The following RPS6KC1 variants were observed in gnomAD, a reference collection of about 807,000 sequenced individuals.
RPS6KC1 encodes the protein ribosomal protein S6 kinase C1.
A neutral mutation model predicts 103.8 loss-of-function variants in RPS6KC1; 54 were observed. That is an observed-to-expected ratio of 0.52 (90% CI 0.42 to 0.65). The LOEUF (loss-of-function observed/expected upper bound fraction) is 0.65, where lower values mean the gene tolerates loss of function less well. Ranked by LOEUF, RPS6KC1 falls within the 30% of genes least tolerant of loss-of-function variation. The probability of loss-of-function intolerance (pLI) is 0.00; values close to 1 mark genes in which losing one functional copy is unlikely to be tolerated. For missense variants in RPS6KC1, 1,151 were observed against 1,253.8 expected (o/e 0.92, Z 1.24); for synonymous variants, 439 against 438.7 (o/e 1.00, Z -0.01).
At chr1:213,439,931 T>C in the RPS6KC1 span, among the ~76,000 whole-genome samples, 6 of 152,172 alleles carry the variant, frequency 3.9e-5, no homozygotes, top group South Asian at 1.0e-3. Flanking sequence ...CATTAAGCTA[T>C]TGGTTAATGG....
chr1:213,729,832 G>T, the RPS6KC1 span, among the ~76,000 whole-genome samples: 36 of 152,026 alleles, frequency 2.4e-4, no homozygotes, highest in East Asian at 4.4e-3. Flanking sequence ...AGGTAAACTT[G>T]TGTCATGGGA....
chr1:213,446,915 A>AGC, the RPS6KC1 span, among the ~76,000 whole-genome samples: 4 of 152,240 alleles, frequency 2.6e-5, no homozygotes, highest in African/African-American at 9.6e-5. Flanking sequence ...TAAACTATGC[A>AGC]AACACAGTAG....
At chr1:213,474,132 T>G in the RPS6KC1 span, among the ~76,000 whole-genome samples, 3 of 152,176 alleles carry the variant, frequency 2.0e-5, no homozygotes, top group African/African-American at 7.2e-5. Context: ...CAGTCTGTCC[T>G]TGGGCCTCTG....
At chr1:213,275,824 T>C (rs1231935888), downstream of RPS6KC1, among the ~76,000 whole-genome samples, 1 of 152,230 alleles carries the variant, frequency 6.6e-6, no homozygotes, top group Non-Finnish European at 1.5e-5. Flanking sequence ...CTATTCTTCC[T>C]GTCTAACTGA....
At chr1:213,859,550 T>C in the RPS6KC1 span, among the ~76,000 whole-genome samples, 1 of 152,210 alleles carries the variant, frequency 6.6e-6, no homozygotes, top group Non-Finnish European at 1.5e-5. Flanking sequence ...CTAGACAATA[T>C]GAGAACAAGA....
At chr1:213,066,414 T>A (rs564997804) in intron 1 of RPS6KC1, among the ~76,000 whole-genome samples, 1 of 152,358 alleles carries the variant, frequency 6.6e-6, no homozygotes, top group East Asian at 1.9e-4. Flanking sequence ...AATTTCCTCC[T>A]TCACTGTGAA....
At chr1:213,734,456 A>AT in the RPS6KC1 span, among the ~76,000 whole-genome samples, 119,649 of 152,138 alleles carry the variant, frequency 0.79, 47,239 homozygotes, top group Middle Eastern at 0.92. Flanking sequence ...AAAATTAGGG[A>AT]TTTTGTCAGT....
chr1:213,415,545 C>T, the RPS6KC1 span, among the ~76,000 whole-genome samples: 3 of 152,186 alleles, frequency 2.0e-5, no homozygotes, highest in Non-Finnish European at 2.9e-5. Flanking sequence ...CCATCCCTGC[C>T]CTTGGGCAGC....
the RPS6KC1 span, among the ~76,000 whole-genome samples, chr1:213,612,868 A>G: frequency 2.0e-5 from 3 of 152,222 alleles, no homozygotes; most frequent in Admixed American, 1.3e-4. Context: ...CTCTTCCTGT[A>G]ACCTTTACCT....
At chr1:213,777,836 G>A in the RPS6KC1 span, among the ~76,000 whole-genome samples, 1 of 152,144 alleles carries the variant, frequency 6.6e-6, no homozygotes, top group Non-Finnish European at 1.5e-5. Context: ...TATAAATAAT[G>A]GTAATAGCTC....
chr1:213,377,513 T>C, the RPS6KC1 span, among the ~76,000 whole-genome samples: 2 of 152,258 alleles, frequency 1.3e-5, no homozygotes, highest in Non-Finnish European at 2.9e-5. Flanking sequence ...ACTTTCTATT[T>C]GTGGAATACT....
chr1:213,072,366 A>C (rs775905311), intron 2 of RPS6KC1, among the ~76,000 whole-genome samples: 2 of 152,004 alleles, frequency 1.3e-5, no homozygotes, highest in Non-Finnish European at 2.9e-5. Context: ...TTTTTGTCCT[A>C]TGATTTAAAA....
the RPS6KC1 span, among the ~76,000 whole-genome samples, chr1:213,495,911 G>T: frequency 6.6e-6 from 1 of 151,844 alleles, no homozygotes; most frequent in African/African-American, 2.4e-5. Context: ...TTTAAAACTT[G>T]GATAATATAA....
the RPS6KC1 span, among the ~76,000 whole-genome samples, chr1:213,812,031 T>C: frequency 6.6e-6 from 1 of 152,348 alleles, no homozygotes; most frequent in East Asian, 1.9e-4. Context: ...ATAAAACACC[T>C]CTATTTTTGA....
chr1:213,793,804 T>C, the RPS6KC1 span, among the ~76,000 whole-genome samples: 4 of 152,204 alleles, frequency 2.6e-5, no homozygotes, highest in Non-Finnish European at 5.9e-5. Context: ...GTGGATCTGA[T>C]TGAACTGTGA....
intron 8 of RPS6KC1, among the ~76,000 whole-genome samples, chr1:213,197,213 A>T (rs764451078): frequency 6.6e-6 from 1 of 152,146 alleles, no homozygotes; most frequent in Non-Finnish European, 1.5e-5. Context: ...AAGTTGGGTA[A>T]TGTGATGCCT....
the RPS6KC1 span, among the ~76,000 whole-genome samples, chr1:213,606,450 T>A: frequency 6.6e-6 from 1 of 152,208 alleles, no homozygotes; most frequent in Admixed American, 6.5e-5. Context: ...ACAGGCTTCC[T>A]TGCCAAGTCA....
At chr1:213,600,609 G>T in the RPS6KC1 span, among the ~76,000 whole-genome samples, 1 of 152,058 alleles carries the variant, frequency 6.6e-6, no homozygotes, top group African/African-American at 2.4e-5. Context: ...GTCTGTTTAG[G>T]GAGGGAGCAA....
the RPS6KC1 span, among the ~76,000 whole-genome samples, chr1:213,708,812 G>A: frequency 6.6e-6 from 1 of 152,182 alleles, no homozygotes; most frequent in East Asian, 1.9e-4. Flanking sequence ...AGATAATCAT[G>A]TGGTTTTTGT....
Sources: allele counts gnomAD v4.1 joint callset (sites outside exome capture counted in the v4.1 genomes callset), GRCh38; gene constraint gnomAD v4.1.1; transcripts MANE v1.5; gene names NCBI Gene and HGNC (gene_info 2026-07-23, HGNC 2026-07-21).